The following KNDC1 variants were observed in gnomAD, a reference collection of about 807,000 sequenced individuals.
KNDC1 encodes the protein kinase non-catalytic C-lobe domain-containing protein 1.
Under a neutral mutation model 172.8 loss-of-function variants are expected in KNDC1, and 106 were observed. That is an observed-to-expected ratio of 0.61 (90% CI 0.52 to 0.72). The LOEUF is 0.72. Ranked by LOEUF, KNDC1 falls within the 30% of genes least tolerant of loss-of-function variation. The probability of loss-of-function intolerance (pLI) is 0.00; values close to 1 mark genes in which losing one functional copy is unlikely to be tolerated. For missense variants in KNDC1, 2,325 were observed against 2,394.5 expected (o/e 0.97, Z 0.61); for synonymous variants, 1,083 against 1,062.2 (o/e 1.02, Z -0.38).
intron 3 of KNDC1, among the ~76,000 whole-genome samples, chr10:133,177,949 G>A (rs1853598015): frequency 6.7e-6 from 1 of 149,762 alleles, no homozygotes; most frequent in Non-Finnish European, 1.5e-5. Context: ...ACGGACACGT[G>A]TAGCATGATG....
chr10:133,175,118 ATGGGTGGATGGATGG>A (rs910955862), intron 3 of KNDC1, among the ~76,000 whole-genome samples: 9 of 131,278 alleles, frequency 6.9e-5, no homozygotes, highest in Admixed American at 3.1e-4. Flanking sequence ...ATGTGGATGG[ATGGGTGGATGGATGG>A]TGGGTGGATG....
intron 9 of KNDC1, among the ~76,000 whole-genome samples, chr10:133,190,014 T>C (rs1245599079): frequency 1.3e-5 from 2 of 152,218 alleles, no homozygotes; most frequent in Admixed American, 1.3e-4. Context: ...TGGACGGCAC[T>C]GGCCATGTGC....
At chr10:133,166,150 T>C (rs1591215449) in intron 1 of KNDC1, among the ~76,000 whole-genome samples, 1 of 151,800 alleles carries the variant, frequency 6.6e-6, no homozygotes, top group African/African-American at 2.4e-5. Flanking sequence ...AGGCAGGAGG[T>C]GCCTCTCAGG....
intron 6 of KNDC1, among the ~76,000 whole-genome samples, chr10:133,187,616 A>G (rs1301461568): frequency 1.3e-5 from 2 of 151,976 alleles, no homozygotes; most frequent in Non-Finnish European, 2.9e-5. Flanking sequence ...ACAACAGCCT[A>G]CCTTCCCGAA....
intron 9 of KNDC1, among the ~76,000 whole-genome samples, chr10:133,193,742 A>G (rs1178387446): frequency 6.6e-6 from 1 of 152,254 alleles, no homozygotes; most frequent in African/African-American, 2.4e-5. Flanking sequence ...AAGATACATT[A>G]TGAAAATGAT....
intron 3 of KNDC1, among the ~76,000 whole-genome samples, chr10:133,169,786 TC>T (rs1472235330): frequency 2.6e-5 from 4 of 152,208 alleles, no homozygotes; most frequent in Non-Finnish European, 4.4e-5. Context: ...GTGGCTGTGA[TC>T]CCTGGTGCAC....
intron 25 of KNDC1, 54 bp downstream of exon 25, chr10:133,213,781 C>T: frequency 3.9e-6 from 6 of 1,546,394 alleles, no homozygotes; most frequent in Non-Finnish European, 5.3e-6. Context: ...TCGGGGGCTT[C>T]CCGTAAGAGT....
chr10:133,217,625 G>A (rs1845494873), intron 26 of KNDC1, among the ~76,000 whole-genome samples: 2 of 152,206 alleles, frequency 1.3e-5, no homozygotes, highest in South Asian at 4.1e-4. Context: ...CAGATCATGA[G>A]GTCAGGAGTT....
Position 133,186,322 on chromosome 10 carries a change from C to A in KNDC1, c.974C>A (p.Thr325Asn). 1 of 1,612,568 alleles carries A rather than the reference C, an allele frequency of 6.2e-7. No homozygotes were observed. The highest frequency in any genetic ancestry group is 8.5e-7 in the Non-Finnish European group (1 of 1,179,902). The change falls in exon 6 of 30, where the codon ACC becomes AAC. Residue 325 changes from threonine (T) to asparagine (N), a missense_variant. By Grantham distance (65) the Thr-to-Asn change is moderately conservative (BLOSUM62 0). Coordinates refer to ENST00000304613, the MANE Select transcript of KNDC1 (RefSeq NM_152643.8). ...SPEATLCLPL[T>N]RGKSQLPISE... ...GAGGCCACCCTCTGCCTGCCGCTGA[C>A]CCGCGGGAAAAGCCAGCTGCCCATA...
In KNDC1 at chr10:133,186,085, C is replaced by A; in HGVS notation, c.737C>A (p.Pro246Gln). 6.3e-7 allele frequency: 1 copy of A among 1,599,722 alleles called. No homozygotes were observed. Among genetic ancestry groups the A allele is most frequent in the Non-Finnish European group, 8.5e-7 (1 of 1,174,194 alleles). ...GAGGTTCTGCCGACCCCCGAAGGCC[C>A]GGAGTCTGAGACGAGCCGGGGCCCC... ...DPEVLPTPEG[P>Q]ESETSRGPRA... Residue 246 changes from proline to glutamine, a missense_variant, in exon 6 of 30, where the codon CCG (proline) becomes CAG (glutamine). Pro to Gln is a moderately conservative substitution (Grantham distance 76). Coordinates refer to ENST00000304613, the MANE Select transcript of KNDC1 (RefSeq NM_152643.8).
chr10:133,180,883 C>G (rs936003615), intron 3 of KNDC1, among the ~76,000 whole-genome samples: 1 of 152,266 alleles, frequency 6.6e-6, no homozygotes, highest in Non-Finnish European at 1.5e-5. Flanking sequence ...TGCAAATTAA[C>G]TCGACGAGTG....
At chr10:133,216,966 G>A (rs903857717) in intron 26 of KNDC1, among the ~76,000 whole-genome samples, 6 of 152,388 alleles carry the variant, frequency 3.9e-5, no homozygotes, top group Non-Finnish European at 5.9e-5. Context: ...TACACGAGGC[G>A]CCTGGAGGCG....
At position 133,201,806 on chromosome 10, in the gene KNDC1, G is replaced by A. The variant is rs748208058; in HGVS notation, c.3295G>A (p.Glu1099Lys). ...CCCCGGCTGGTGCAGCGCCTTCTAC[G>A]AGGCCGACTGCTTCGGGGCCGACGT... ...CSPGWCSAFY[E>K]ADCFGADVHN... is the part of the protein sequence containing the mutation. Residue 1099 changes from glutamate to lysine, a missense_variant, in exon 17 of 30, where the codon GAG becomes AAG. By Grantham distance (56) the Glu-to-Lys change is moderately conservative. Transcript: ENST00000304613. The A allele has an allele frequency of 7.9e-6, 12 of 1,513,416 alleles. No individual in the cohort carries two copies. The highest frequency in any genetic ancestry group is 1.4e-5 in the African/African-American group (1 of 71,918). 93.7% of individuals were successfully genotyped at this position (1,513,416 alleles called of 1,614,324 possible).
chr10:133,195,009 G>GA (rs1411616564), intron 9 of KNDC1, among the ~76,000 whole-genome samples: 1 of 152,198 alleles, frequency 6.6e-6, no homozygotes, highest in East Asian at 1.9e-4. Flanking sequence ...TTACTGAAAT[G>GA]AATGAAAACA....
intron 10 of KNDC1, among the ~76,000 whole-genome samples, chr10:133,196,614 C>T (rs752125515): frequency 6.6e-4 from 100 of 152,210 alleles, no homozygotes; most frequent in Non-Finnish European, 1.2e-3. Context: ...GATCTAGACA[C>T]GGCTGGGCGT....
chr10:133,202,002 C>G (rs960362490), intron 17 of KNDC1, 104 bp downstream of exon 17: 1 of 1,304,222 alleles, frequency 7.7e-7, no homozygotes, highest in Non-Finnish European at 1.1e-6. Flanking sequence ...CCCAGAGCCC[C>G]CAACAGGGTG....
At chr10:133,219,228 G>A in intron 28 of KNDC1, 138 bp downstream of exon 28, 1 of 1,003,488 alleles carries the variant, frequency 1.0e-6, no homozygotes. Flanking sequence ...TGGCCTCACG[G>A]AGGCCTTGGA....
intron 20 of KNDC1, among the ~76,000 whole-genome samples, chr10:133,208,046 G>A (rs936776454): frequency 3.3e-5 from 5 of 152,156 alleles, no homozygotes; most frequent in Non-Finnish European, 7.4e-5. Flanking sequence ...AGTGACTGGG[G>A]CCAACCCCAT....
At position 133,176,397 on chromosome 10, in the gene KNDC1, G is replaced by A. The variant is rs149605661; in HGVS notation, c.361-6947G>A. 3.0e-4 allele frequency among the ~76,000 whole-genome samples: 45 copies of A among 152,214 alleles called. No individual in the cohort carries two copies. In the East Asian group the frequency reaches 7.9e-3, roughly 27 times the overall value. On this transcript the variant is annotated intron_variant, in intron 3 of 29. Coordinates refer to ENST00000304613, the MANE Select transcript of KNDC1 (RefSeq NM_152643.8). ...AATGAATACCCTGGCTTTCCGTGTG[G>A]TATGGAGATAAGTTCTATTCTCAAG... is the stretch of plus-strand genomic sequence containing the variant.
Sources: gnomAD v4.1 joint callset for allele counts (sites outside exome capture counted in the v4.1 genomes callset) on GRCh38, gnomAD v4.1.1 for gene constraint, MANE v1.5 for transcripts, NCBI Gene and HGNC (gene_info 2026-07-23, HGNC 2026-07-21) for gene names.